The following GPC5 variants were observed in gnomAD, a reference collection of about 807,000 sequenced individuals.
GPC5 encodes glypican 5.
GPC5 carries 47 observed loss-of-function variants against 53.9 expected under a neutral mutation model. That is an observed-to-expected ratio of 0.87 (90% CI 0.69 to 1.11). GPC5 has a LOEUF of 1.11. Among genes scored for constraint, GPC5 ranks in the 50% most tolerant of loss-of-function variants. The probability of loss-of-function intolerance (pLI) is 0.00; values close to 1 mark genes in which losing one functional copy is unlikely to be tolerated. For synonymous variants in GPC5, 286 were observed against 263.3 expected, an observed-to-expected ratio of 1.09 and a Z score of -0.84; for missense variants, 748 against 713.1, an observed-to-expected ratio of 1.05 and a Z score of -0.56.
At chr13:92,292,106 T>A (rs2043000931) in intron 7 of GPC5, among the ~76,000 whole-genome samples, 1 of 152,254 alleles carries the variant, frequency 6.6e-6, no homozygotes, top group South Asian at 2.1e-4. Context: ...TTGGGTTGGT[T>A]CCACATTTTT....
chr13:92,580,167 G>C (rs1883327104), intron 7 of GPC5, among the ~76,000 whole-genome samples: 2 of 152,170 alleles, frequency 1.3e-5, no homozygotes, highest in South Asian at 2.1e-4. Flanking sequence ...AATTCAAATT[G>C]AAGAAAGGTG....
At chr13:92,704,444 T>C (rs1028891535) in intron 7 of GPC5, among the ~76,000 whole-genome samples, 1 of 151,988 alleles carries the variant, frequency 6.6e-6, no homozygotes, top group Non-Finnish European at 1.5e-5. Context: ...TAAAAGCCTA[T>C]TTATCTCTAG....
At chr13:92,539,535 ATTTG>A (rs1881856546) in intron 7 of GPC5, among the ~76,000 whole-genome samples, 3 of 151,952 alleles carry the variant, frequency 2.0e-5, no homozygotes, top group South Asian at 4.1e-4. Context: ...TTTCTTGTAA[ATTTG>A]TTTAAGTTCT....
At chr13:92,632,336 A>G (rs942814498) in intron 7 of GPC5, among the ~76,000 whole-genome samples, 2 of 151,940 alleles carry the variant, frequency 1.3e-5, no homozygotes, top group African/African-American at 4.8e-5. Flanking sequence ...GCATCTTCAA[A>G]ATATTTTTAT....
intron 7 of GPC5, among the ~76,000 whole-genome samples, chr13:92,269,950 A>G (rs963154075): frequency 6.6e-6 from 1 of 152,110 alleles, no homozygotes; most frequent in Middle Eastern, 3.2e-3. Context: ...ATTTCAATGC[A>G]AGTAACCTGT....
chr13:92,836,661 T>G (rs1878229918), intron 7 of GPC5, among the ~76,000 whole-genome samples: 1 of 152,102 alleles, frequency 6.6e-6, no homozygotes, highest in African/African-American at 2.4e-5. Context: ...TTGCATACAA[T>G]TATTAAAGAG....
chr13:91,771,694 AT>A (rs560610401), intron 5 of GPC5, among the ~76,000 whole-genome samples: 1 of 152,140 alleles, frequency 6.6e-6, no homozygotes, highest in Non-Finnish European at 1.5e-5. Flanking sequence ...TGCTTCCGTA[AT>A]TTTTTTACCA....
intron 5 of GPC5, among the ~76,000 whole-genome samples, chr13:91,791,709 C>G (rs1262121267): frequency 6.7e-6 from 1 of 149,564 alleles, no homozygotes; most frequent in Non-Finnish European, 1.5e-5. Context: ...ATTGAAAATA[C>G]TCTCTTCCAC....
intron 7 of GPC5, among the ~76,000 whole-genome samples, chr13:92,491,881 T>C (rs1289134692): frequency 2.6e-5 from 4 of 152,172 alleles, no homozygotes; most frequent in Non-Finnish European, 4.4e-5. Context: ...TTTTCTTCTC[T>C]GTTGGTTCAA....
At chr13:92,372,680 CCTATTTTTCTGTA>C (rs1424683944) in intron 7 of GPC5, among the ~76,000 whole-genome samples, 1 of 151,860 alleles carries the variant, frequency 6.6e-6, no homozygotes, top group Non-Finnish European at 1.5e-5. Flanking sequence ...ATATTTCTGT[CCTATTTTTCTGTA>C]GAGTATCTTT....
intron 7 of GPC5, among the ~76,000 whole-genome samples, chr13:92,288,965 A>G (rs2042975397): frequency 6.6e-6 from 1 of 151,960 alleles, no homozygotes; most frequent in Non-Finnish European, 1.5e-5. Context: ...TACCAACTTT[A>G]CCATTTTTCT....
rs879850780 is a variant in GPC5 at position 91,606,685 on chromosome 13, A to G, written c.326-86502A>G. Among the ~76,000 whole-genome samples, 878 of 149,072 alleles carry G rather than the reference A, an allele frequency of 5.9e-3. 4 individuals carry two copies. The highest frequency in any genetic ancestry group is 0.01 in the Non-Finnish European group (683 of 66,436). On this transcript the variant is annotated intron_variant, in intron 2 of 7. Transcript: ENST00000377067. ...AACTTCTTCCTGGTTTAGTCTTGGG[A>G]GAGTGTATGTGTCCAGGAATTTATC... is the stretch of plus-strand genomic sequence containing the variant.
intron 7 of GPC5, among the ~76,000 whole-genome samples, chr13:92,509,298 T>G (rs1371702553): frequency 6.6e-6 from 1 of 152,176 alleles, no homozygotes; most frequent in Non-Finnish European, 1.5e-5. Context: ...TTCCCATTGC[T>G]TTTAATTATC....
intron 5 of GPC5, among the ~76,000 whole-genome samples, chr13:91,774,163 G>C (rs535259816): frequency 6.6e-6 from 1 of 152,270 alleles, no homozygotes; most frequent in East Asian, 1.9e-4. Flanking sequence ...AGGAGGTACA[G>C]TGTAGAGAGA....
rs933937643 is a variant in GPC5 at position 92,544,923 on chromosome 13, AT to A, written c.1562-321351del. ...GAGATTTTATTTTATTTTATTTTTT[AT>A]TTTTTTTATTATACTTTAAGTTTTA... On this transcript the variant is annotated intron_variant, in intron 7 of 7. Transcript: ENST00000377067. Among the ~76,000 whole-genome samples, 67 of 151,486 alleles carry A rather than the reference AT, an allele frequency of 4.4e-4. 1 individual carries two copies. The highest frequency in any genetic ancestry group is 1.5e-3 in the African/African-American group (62 of 41,360).
chr13:92,180,972 A>C lies in GPC5; in HGVS notation c.1561+35983A>C, dbSNP rs1032858197. 2.6e-5 allele frequency: 4 copies of C among 153,280 alleles called. No homozygotes were observed. The Admixed American group carries it at 2.6e-4, about 10-fold the overall frequency. The allele number at this position is 153,280 out of a possible 1,614,324, so 9.5% of individuals were successfully genotyped here. On this transcript the variant is annotated intron_variant, in intron 7 of 7. Coordinates refer to ENST00000377067, the MANE Select transcript of GPC5 (RefSeq NM_004466.6). ...TGTAAAATACACCTTCAGCTACTAAAATTGTATATGAATTGTCTTATTAAA... is the reference window on the plus strand; with the variant it reads ...TGTAAAATACACCTTCAGCTACTAACATTGTATATGAATTGTCTTATTAAA...
Position 92,714,192 on chromosome 13 carries a change from T to C in GPC5, c.1562-152090T>C, listed in dbSNP as rs529400484. ...GAAGTCAACAAATATAGGAACTTCC[T>C]GTGTTATTATGTTACATATGATCTT... On this transcript the variant is annotated intron_variant, in intron 7 of 7. Coordinates refer to ENST00000377067, the MANE Select transcript of GPC5 (RefSeq NM_004466.6). Among the ~76,000 whole-genome samples the C allele has an allele frequency of 1.6e-4, 24 of 152,322 alleles. No individual in the cohort carries two copies. In the East Asian group the frequency reaches 1.9e-3, roughly 12 times the overall value.
rs149663625 is a variant in GPC5 at position 92,596,789 on chromosome 13, A to G, written c.1562-269493A>G. Among the ~76,000 whole-genome samples the G allele has an allele frequency of 4.6e-5, 7 of 152,334 alleles. No individual in the cohort carries two copies. The East Asian group carries it at 1.2e-3, about 25-fold the overall frequency. Reference sequence around the variant, plus strand: ...GCCAGGTTGTATTCAGTATAATTCTAAAGTCATAATATTGATAAAATAATT... The same window carrying G: ...GCCAGGTTGTATTCAGTATAATTCTGAAGTCATAATATTGATAAAATAATT... On this transcript the variant is annotated intron_variant, in intron 7 of 7. Coordinates refer to ENST00000377067, the MANE Select transcript of GPC5 (RefSeq NM_004466.6).
At chr13:92,270,445 C>T (rs898530461) in intron 7 of GPC5, among the ~76,000 whole-genome samples, 3 of 152,176 alleles carry the variant, frequency 2.0e-5, no homozygotes, top group Non-Finnish European at 4.4e-5. Flanking sequence ...GTGTAAAGTG[C>T]TGGCTCCCCC....
Sources: gnomAD v4.1 joint callset for allele counts (sites outside exome capture counted in the v4.1 genomes callset) on GRCh38, gnomAD v4.1.1 for gene constraint, MANE v1.5 for transcripts, NCBI Gene and HGNC (gene_info 2026-07-23, HGNC 2026-07-21) for gene names.